PPP1R9A: variants seen among roughly 807,000 people sequenced by gnomAD.
The protein encoded by PPP1R9A is protein phosphatase 1 regulatory subunit 9A, also known as neurabin-1.
In PPP1R9A, 59 loss-of-function variants were observed where a neutral mutation model predicts 141.9. The observed-to-expected ratio is 0.42, with a 90% confidence interval of 0.34 to 0.52. PPP1R9A has a LOEUF of 0.52. Among genes scored for constraint, PPP1R9A ranks in the 20% least tolerant of loss-of-function variants. The pLI, the probability that PPP1R9A is intolerant of heterozygous loss-of-function variation, is 0.10. For synonymous variants in PPP1R9A, 500 were observed against 569.7 expected (o/e 0.88, Z 1.74); for missense variants, 1,444 against 1,611.9 (o/e 0.90, Z 1.78).
At chr7:95,092,346 CTTT>C (rs113520728) in intron 2 of PPP1R9A, among the ~76,000 whole-genome samples, 13 of 139,652 alleles carry the variant, frequency 9.3e-5, no homozygotes, top group African/African-American at 7.8e-5. Flanking sequence ...ATACTACACG[CTTT>C]TTTTTTTTTT....
chr7:94,954,219 A>G (rs1366723606), intron 2 of PPP1R9A, among the ~76,000 whole-genome samples: 1 of 151,716 alleles, frequency 6.6e-6, no homozygotes, highest in Non-Finnish European at 1.5e-5. Context: ...TGCATCTCGC[A>G]AGTTTTTATA....
chr7:95,027,221 T>C (rs2078884), intron 2 of PPP1R9A, among the ~76,000 whole-genome samples: 100,676 of 152,042 alleles, frequency 0.66, 34,367 homozygotes, highest in African/African-American at 0.82. Flanking sequence ...GCATAGGCAC[T>C]GGAGGGAATC....
chr7:95,000,658 G>A (rs11974363), intron 2 of PPP1R9A, among the ~76,000 whole-genome samples: 2,044 of 152,028 alleles, frequency 0.013, 52 homozygotes, highest in African/African-American at 0.047. Flanking sequence ...GAATTTTTAT[G>A]CATATTATTT....
At chr7:95,221,499 T>C (rs934053392) in intron 7 of PPP1R9A, among the ~76,000 whole-genome samples, 1 of 152,052 alleles carries the variant, frequency 6.6e-6, no homozygotes, top group Non-Finnish European at 1.5e-5. Flanking sequence ...GGCTCTAGTA[T>C]GTCTACATAC....
chr7:95,261,526 T>G (rs1410451473), intron 12 of PPP1R9A, among the ~76,000 whole-genome samples: 2 of 151,996 alleles, frequency 1.3e-5, no homozygotes, highest in Admixed American at 6.6e-5. Flanking sequence ...CACTAAGGGT[T>G]TTTTTTTGAA....
chr7:95,131,249 T>C (rs1236909581), intron 4 of PPP1R9A, among the ~76,000 whole-genome samples: 1 of 152,130 alleles, frequency 6.6e-6, no homozygotes, highest in Non-Finnish European at 1.5e-5. Context: ...GAGATAATGA[T>C]GGTTTTAAAA....
At chr7:95,102,901 A>G (rs1202448981) in intron 2 of PPP1R9A, among the ~76,000 whole-genome samples, 1 of 152,188 alleles carries the variant, frequency 6.6e-6, no homozygotes, top group Non-Finnish European at 1.5e-5. Flanking sequence ...GTACCCAGAT[A>G]TGTGGGTAAA....
intron 8 of PPP1R9A, among the ~76,000 whole-genome samples, chr7:95,226,480 C>T (rs1795158830): frequency 6.6e-6 from 1 of 152,108 alleles, no homozygotes; most frequent in South Asian, 2.1e-4. Flanking sequence ...TCTTTCTGTT[C>T]ATGAAATAGG....
chr7:95,189,433 C>CTTTTTTTT (rs1195484637), intron 5 of PPP1R9A, among the ~76,000 whole-genome samples: 1 of 116,232 alleles, frequency 8.6e-6, no homozygotes, highest in African/African-American at 3.5e-5. Context: ...TTTGTTTATT[C>CTTTTTTTT]TTTTTTTTTT....
chr7:95,073,748 G>C (rs1402430068), intron 2 of PPP1R9A, among the ~76,000 whole-genome samples: 1 of 140,210 alleles, frequency 7.1e-6, no homozygotes, highest in East Asian at 2.2e-4. Context: ...AATAAATACT[G>C]TTTTTTTGCT....
intron 4 of PPP1R9A, among the ~76,000 whole-genome samples, chr7:95,137,415 CAAAAAAAAAAAA>C (rs33928009): frequency 2.2e-5 from 2 of 91,522 alleles, no homozygotes; most frequent in Admixed American, 2.4e-4. Flanking sequence ...GACATGAACT[CAAAAAAAAAAAA>C]AAAAAAAAAA....
chr7:94,947,060 TTTTCTTTG>T (rs1795971781), intron 2 of PPP1R9A, among the ~76,000 whole-genome samples: 1 of 152,204 alleles, frequency 6.6e-6, no homozygotes, highest in Non-Finnish European at 1.5e-5. Flanking sequence ...TTTTTAATTT[TTTTCTTTG>T]AGGATTTGGC....
In PPP1R9A at chr7:95,290,351, C is replaced by T; in HGVS notation, c.*48C>T. ...GGAGATGCTCCAAGAGAAGTCCCCACCTCTTCCTGCCCTGCTCTCCTCCAG... is the reference window on the plus strand; with the variant it reads ...GGAGATGCTCCAAGAGAAGTCCCCATCTCTTCCTGCCCTGCTCTCCTCCAG... On this transcript the variant is annotated 3_prime_UTR_variant, in exon 20 of 20. Transcript: ENST00000433360. 2 of 1,536,088 alleles carry T rather than the reference C, an allele frequency of 1.3e-6. No homozygotes were observed. The highest frequency in any genetic ancestry group is 2.0e-5 in the Admixed American group (1 of 51,206).
In PPP1R9A at chr7:95,293,114, G is replaced by A. The variant is rs1487764174; in HGVS notation, c.*2811G>A. On this transcript the variant is annotated 3_prime_UTR_variant, in exon 20 of 20. Transcript: ENST00000433360. ...TAGCCAAAAGTGTTTTGGGGTATAGGTTATGCTTTGTTGGGAGGGAATGTG... is the reference window on the plus strand; with the variant it reads ...TAGCCAAAAGTGTTTTGGGGTATAGATTATGCTTTGTTGGGAGGGAATGTG... 2.6e-5 allele frequency: 4 copies of A among 152,282 alleles called. No individual in the cohort carries two copies. Among genetic ancestry groups the A allele is most frequent in the African/African-American group, 7.2e-5 (3 of 41,546 alleles). The allele number at this position is 152,282 out of a possible 1,614,324, so 9.4% of individuals were successfully genotyped here.
chr7:95,194,784 C>T (rs541594638), intron 5 of PPP1R9A, among the ~76,000 whole-genome samples: 1 of 148,840 alleles, frequency 6.7e-6, no homozygotes, highest in East Asian at 2.0e-4. Context: ...GACCTATATA[C>T]TGAAAACCAT....
chr7:94,945,721 T>A (rs1795825196), intron 2 of PPP1R9A, among the ~76,000 whole-genome samples: 1 of 152,092 alleles, frequency 6.6e-6, no homozygotes, highest in South Asian at 2.1e-4. Context: ...CTAAAACAAT[T>A]TGAACCTTTT....
chr7:95,081,192 T>C lies in PPP1R9A; in HGVS notation c.1396-30067T>C, dbSNP rs182648777. Among the ~76,000 whole-genome samples, 148 of 152,156 alleles carry C rather than the reference T, an allele frequency of 9.7e-4. 1 individual carries two copies. The highest frequency in any genetic ancestry group is 3.4e-3 in the African/African-American group (142 of 41,518). On this transcript the variant is annotated intron_variant, in intron 2 of 19. Transcript: ENST00000433360. Reference sequence around the variant, plus strand: ...AAGGATATTTGTAGAAACACAAAAATAGCCAGCAGTAACAGGGTAAAATTC... The same window carrying C: ...AAGGATATTTGTAGAAACACAAAAACAGCCAGCAGTAACAGGGTAAAATTC...
chr7:94,970,136 C>A (rs1157948673), intron 2 of PPP1R9A, among the ~76,000 whole-genome samples: 1 of 152,086 alleles, frequency 6.6e-6, no homozygotes, highest in African/African-American at 2.4e-5. Flanking sequence ...TGCCTTCAGC[C>A]CCCTTTCCAG....
chr7:94,970,662 GTCTC>G (rs1322865821), intron 2 of PPP1R9A, among the ~76,000 whole-genome samples: 3 of 139,898 alleles, frequency 2.1e-5, no homozygotes, highest in Non-Finnish European at 4.6e-5. Context: ...TTGAGATAGA[GTCTC>G]TCTCTGTTGC....
Sources: gnomAD v4.1 joint callset for allele counts (sites outside exome capture counted in the v4.1 genomes callset) on GRCh38, gnomAD v4.1.1 for gene constraint, MANE v1.5 for transcripts, NCBI Gene and HGNC (gene_info 2026-07-23, HGNC 2026-07-21) for gene names.